The following CNGB1 variants were observed in gnomAD, a reference collection of about 807,000 sequenced individuals.
The protein encoded by CNGB1 is cyclic nucleotide gated channel subunit beta 1.
Under a neutral mutation model 151.7 loss-of-function variants are expected in CNGB1, and 126 were observed. The ratio of observed to expected loss-of-function variants is 0.83; its 90% confidence interval spans 0.72 to 0.96. The LOEUF (loss-of-function observed/expected upper bound fraction) is 0.96, where lower values mean the gene tolerates loss of function less well. CNGB1 is among the 40% of genes least tolerant of loss of function. The pLI is 0.00. For missense variants in CNGB1, 1,698 were observed against 1,627.0 expected, an observed-to-expected ratio of 1.04 and a Z score of -0.75; for synonymous variants, 623 against 635.1, an observed-to-expected ratio of 0.98 and a Z score of 0.29.
intron 2 of CNGB1, 90 bp from the exon 3 acceptor site, chr16:57,964,634 G>C: frequency 7.8e-7 from 1 of 1,279,662 alleles, no homozygotes; most frequent in Non-Finnish European, 1.1e-6. Context: ...AGGGATCCCT[G>C]CCCCACAAAA....
At chr16:57,950,606 C>CCAGGGAGCCTT in intron 12 of CNGB1, 66 bp from the exon 13 acceptor site, 2 of 1,551,404 alleles carry the variant, frequency 1.3e-6, no homozygotes, top group Non-Finnish European at 1.8e-6. Flanking sequence ...CCTCTGAGTC[C>CCAGGGAGCCTT]CAGGGAGCCT....
chr16:57,968,380 C>T (rs986326330), intron 1 of CNGB1, among the ~76,000 whole-genome samples: 1 of 152,086 alleles, frequency 6.6e-6, no homozygotes, highest in Admixed American at 6.6e-5. Context: ...ACCTGTAATC[C>T]CAGCTACTCA....
intron 30 of CNGB1, 40 bp from the exon 31 acceptor site, chr16:57,897,583 G>A (rs1567365739): frequency 6.2e-7 from 1 of 1,612,838 alleles, no homozygotes; most frequent in East Asian, 2.2e-5. Flanking sequence ...TTCAGAGACT[G>A]CCGTTTCGGT....
rs1567365915 is a variant in CNGB1, at chr16:57,897,872, C to CT, written c.3018dup (p.Val1007SerfsTer8). 1.2e-5 allele frequency: 19 copies of CT among 1,614,254 alleles called. No homozygotes were observed. Among genetic ancestry groups the CT allele is most frequent in the Non-Finnish European group, 1.5e-5 (18 of 1,180,042 alleles). ...CCATCAGGGCCGCCCAAGACCTGCA[C>CT]TTGCCCTGCCTGGATGATGTACATC... On this transcript the variant is annotated frameshift_variant, in exon 30 of 33. Coordinates refer to ENST00000251102, the MANE Select transcript of CNGB1 (RefSeq NM_001297.5). LOFTEE classifies it high-confidence loss of function.
chr16:57,904,652 C>T, intron 26 of CNGB1, 82 bp downstream of exon 26: 2 of 1,593,178 alleles, frequency 1.3e-6, no homozygotes, highest in East Asian at 2.2e-5. Flanking sequence ...AAGCAACGGG[C>T]ACAGAGGGTG....
intron 8 of CNGB1, 35 bp downstream of exon 8, chr16:57,960,805 T>C: frequency 2.5e-6 from 4 of 1,605,156 alleles, no homozygotes; most frequent in Non-Finnish European, 3.4e-6. Flanking sequence ...CCCCCCCATA[T>C]ACTCAACTCC....
At chr16:57,923,018 A>C in intron 18 of CNGB1, 3 of 384,796 alleles carry the variant, frequency 7.8e-6, no homozygotes, top group East Asian at 5.7e-5. Flanking sequence ...ACCTCTGCCT[A>C]GAGATCCCTC....
intron 25 of CNGB1, among the ~76,000 whole-genome samples, chr16:57,909,379 T>G (rs746494587): frequency 2.0e-5 from 3 of 151,970 alleles, no homozygotes; most frequent in Non-Finnish European, 2.9e-5. Flanking sequence ...AAATTAAGTC[T>G]GTTCATTAAA....
chr16:57,936,395 G>A (rs577190174), intron 16 of CNGB1, among the ~76,000 whole-genome samples: 6 of 152,156 alleles, frequency 3.9e-5, no homozygotes, highest in Middle Eastern at 3.4e-3. Context: ...CAAGCCTCTC[G>A]GCCTAGAGAT....
chr16:57,933,507 G>A (rs1380808787), intron 16 of CNGB1, among the ~76,000 whole-genome samples: 1 of 152,068 alleles, frequency 6.6e-6, no homozygotes, highest in Admixed American at 6.5e-5. Flanking sequence ...GGACTGCAGG[G>A]ACAGGTCTGC....
Position 57,915,294 on chromosome 16 carries a change from C to T in CNGB1, c.2259G>A (p.Leu753=). The part of the protein sequence containing the change: ...LSLLPLDFLY[L]KVGVNPLLRL... ...GGAGGAGGGGGTTCACACCGACTTT[C>T]AAATAGAGAAAATCCAAGGGCAGGA... The change falls in exon 23 of 33, where the codon TTG becomes TTA. Residue 753 remains leucine, a synonymous_variant. Transcript: ENST00000251102. 6.2e-7 allele frequency: 1 copy of T among 1,614,042 alleles called. No homozygotes were observed. The highest frequency in any genetic ancestry group is 2.2e-5 in the East Asian group (1 of 44,872).
intron 12 of CNGB1, among the ~76,000 whole-genome samples, chr16:57,951,504 C>T (rs1961947666): frequency 6.6e-6 from 1 of 152,192 alleles, no homozygotes; most frequent in Non-Finnish European, 1.5e-5. Flanking sequence ...TACAGGCATG[C>T]ACCACCATAC....
At position 57,882,799 on chromosome 16, in the gene CNGB1, C is replaced by CTTTTTTTTTTTTTTTTTT. The variant is rs71155213; in HGVS notation, c.*1364_*1365insAAAAAAAAAAAAAAAAAA. On this transcript the variant is annotated 3_prime_UTR_variant, in exon 33 of 33. Coordinates refer to ENST00000251102, the MANE Select transcript of CNGB1 (RefSeq NM_001297.5). Reference sequence around the variant, plus strand: ...CCTTTTTTCTTTTTTTTTCTTTTTTCTTTTTTTTTTTTTGTCTGAATCATA... The same window carrying CTTTTTTTTTTTTTTTTTT: ...CCTTTTTTCTTTTTTTTTCTTTTTTCTTTTTTTTTTTTTTTTTTTTTTTTTTTTTTTGTCTGAATCATA... 5 of 136,084 alleles carry CTTTTTTTTTTTTTTTTTT rather than the reference C, an allele frequency of 3.7e-5. No individual in the cohort carries two copies. Among genetic ancestry groups the CTTTTTTTTTTTTTTTTTT allele is most frequent in the Non-Finnish European group, 6.4e-5 (4 of 62,946 alleles). The allele number at this position is 136,084 out of a possible 1,614,324, so 8.4% of individuals were successfully genotyped here.
At chr16:57,906,084 G>A (rs558697494) in intron 25 of CNGB1, among the ~76,000 whole-genome samples, 44 of 152,322 alleles carry the variant, frequency 2.9e-4, no homozygotes, top group African/African-American at 8.2e-4. Flanking sequence ...AGTCCCTGCC[G>A]GCTTTCCTGC....
intron 27 of CNGB1, among the ~76,000 whole-genome samples, chr16:57,901,985 GACA>G (rs1176231066): frequency 6.6e-6 from 1 of 152,194 alleles, no homozygotes; most frequent in African/African-American, 2.4e-5. Flanking sequence ...TCCCTGGAAG[GACA>G]ACATCAGCAA....
chr16:57,960,293 C>T (rs1306218510), intron 9 of CNGB1, among the ~76,000 whole-genome samples, 189 bp downstream of exon 9: 2 of 152,204 alleles, frequency 1.3e-5, no homozygotes, highest in Non-Finnish European at 2.9e-5. Context: ...AGGACACTGG[C>T]TTCCCAGCCT....
chr16:57,897,586 G>A (rs368830470), intron 30 of CNGB1, 43 bp from the exon 31 acceptor site: 456 of 1,612,748 alleles, frequency 2.8e-4, no homozygotes, highest in Admixed American at 5.2e-4. Flanking sequence ...AGAGACTGCC[G>A]TTTCGGTCAC....
chr16:57,902,051 G>A (rs1351107040), intron 27 of CNGB1, among the ~76,000 whole-genome samples: 1 of 151,620 alleles, frequency 6.6e-6, no homozygotes, highest in Admixed American at 6.6e-5. Context: ...TTTTTTTGTT[G>A]TTGTTATTTA....
At chr16:57,967,029 C>G (rs1962415731) in intron 2 of CNGB1, 99 bp downstream of exon 2, 1 of 1,567,434 alleles carries the variant, frequency 6.4e-7, no homozygotes, top group African/African-American at 1.3e-5. Context: ...TGATGCCAAC[C>G]TTTTCTGCTG....
Sources: allele counts gnomAD v4.1 joint callset (sites outside exome capture counted in the v4.1 genomes callset), GRCh38; gene constraint gnomAD v4.1.1; transcripts MANE v1.5; gene names NCBI Gene and HGNC (gene_info 2026-07-23, HGNC 2026-07-21).